The following RAB38 variants were observed in gnomAD, a reference collection of about 807,000 sequenced individuals.
RAB38 encodes the protein RAB38, member RAS oncogene family.
RAB38 carries 15 observed loss-of-function variants against 18.4 expected under a neutral mutation model. That is an observed-to-expected ratio of 0.82 (90% confidence interval 0.55 to 1.26). The LOEUF is 1.26. Among genes scored for constraint, RAB38 ranks in the 50% most tolerant of loss-of-function variants. The pLI, the probability that RAB38 is intolerant of heterozygous loss-of-function variation, is 0.00. For synonymous variants in RAB38, 101 were observed against 104.4 expected (o/e 0.97, Z 0.20); for missense variants, 294 against 267.4 (o/e 1.10, Z -0.69).
At chr11:88,070,326 C>T in the RAB38 span, among the ~76,000 whole-genome samples, 3 of 152,148 alleles carry the variant, frequency 2.0e-5, no homozygotes, top group East Asian at 1.9e-4. Context: ...AGCGAGACCA[C>T]GAACCCACCA....
chr11:88,021,296 C>T, the RAB38 span, among the ~76,000 whole-genome samples: 1 of 152,134 alleles, frequency 6.6e-6, no homozygotes, highest in Non-Finnish European at 1.5e-5. Flanking sequence ...TCATTAGTGG[C>T]TGCTGTCAGC....
At chr11:88,010,508 A>T in the RAB38 span, among the ~76,000 whole-genome samples, 2 of 152,038 alleles carry the variant, frequency 1.3e-5, no homozygotes, top group African/African-American at 4.8e-5. Context: ...TATGAATTCT[A>T]TTTTTTCCCA....
At chr11:87,807,135 G>A in the RAB38 span, among the ~76,000 whole-genome samples, 1 of 152,164 alleles carries the variant, frequency 6.6e-6, no homozygotes, top group Non-Finnish European at 1.5e-5. Flanking sequence ...AATGCCTGAT[G>A]ATCTCAGGTG....
At chr11:87,905,317 G>A in the RAB38 span, among the ~76,000 whole-genome samples, 1 of 151,244 alleles carries the variant, frequency 6.6e-6, no homozygotes, top group African/African-American at 2.4e-5. Flanking sequence ...GCTATTTTGT[G>A]TCCTGGTTAG....
the RAB38 span, among the ~76,000 whole-genome samples, chr11:88,046,221 T>C: frequency 6.6e-6 from 1 of 152,194 alleles, no homozygotes; most frequent in African/African-American, 2.4e-5. Flanking sequence ...TTGTTATCAC[T>C]GGCCTGCTAC....
the RAB38 span, among the ~76,000 whole-genome samples, chr11:87,845,124 A>G: frequency 1.0e-3 from 155 of 152,326 alleles, no homozygotes; most frequent in African/African-American, 3.6e-3. Context: ...CAAAAGTAAC[A>G]ACATCCTGCA....
At chr11:88,079,657 T>C in the RAB38 span, among the ~76,000 whole-genome samples, 1 of 151,736 alleles carries the variant, frequency 6.6e-6, no homozygotes, top group African/African-American at 2.4e-5. Flanking sequence ...AGAAAATATG[T>C]ACAAACCAAA....
the RAB38 span, among the ~76,000 whole-genome samples, chr11:88,081,773 G>A: frequency 2.6e-5 from 4 of 151,818 alleles, no homozygotes; most frequent in African/African-American, 9.7e-5. Context: ...GTCACATTCT[G>A]AAGTTCCAGG....
the RAB38 span, among the ~76,000 whole-genome samples, chr11:88,105,684 G>A: frequency 6.6e-6 from 1 of 151,962 alleles, no homozygotes; most frequent in Non-Finnish European, 1.5e-5. Context: ...CTAAAGAATT[G>A]GAAAAAAGGC....
At chr11:87,919,424 C>G in the RAB38 span, among the ~76,000 whole-genome samples, 2 of 151,852 alleles carry the variant, frequency 1.3e-5, no homozygotes, top group East Asian at 1.9e-4. Context: ...CTATATTAAA[C>G]TGTTCTTGAA....
At chr11:88,055,148 GCTGGCTTGAGC>G in the RAB38 span, among the ~76,000 whole-genome samples, 3 of 152,150 alleles carry the variant, frequency 2.0e-5, no homozygotes, top group Non-Finnish European at 4.4e-5. Flanking sequence ...GAAGTAAGAG[GCTGGCTTGAGC>G]CCAGGAGTTC....
At chr11:87,851,537 G>A in the RAB38 span, among the ~76,000 whole-genome samples, 5 of 152,170 alleles carry the variant, frequency 3.3e-5, no homozygotes, top group Non-Finnish European at 7.4e-5. Context: ...TGGGAAACAT[G>A]CTAATTCTAC....
chr11:87,923,866 G>A, the RAB38 span, among the ~76,000 whole-genome samples: 1 of 150,980 alleles, frequency 6.6e-6, no homozygotes, highest in African/African-American at 2.4e-5. Context: ...GACCCAGAGA[G>A]AATAGTTAAC....
the RAB38 span, among the ~76,000 whole-genome samples, chr11:87,845,488 T>C: frequency 3.4e-4 from 51 of 152,036 alleles, no homozygotes; most frequent in African/African-American, 1.2e-3. Flanking sequence ...GCAAAATGGA[T>C]ATGATAGTGA....
the RAB38 span, among the ~76,000 whole-genome samples, chr11:87,915,062 C>T: frequency 6.2e-4 from 94 of 152,224 alleles, no homozygotes; most frequent in African/African-American, 2.0e-3. Context: ...TAGGACAATA[C>T]CTAGTGGATC....
the RAB38 span, among the ~76,000 whole-genome samples, chr11:88,010,845 A>C: frequency 1.3e-5 from 2 of 152,062 alleles, no homozygotes; most frequent in African/African-American, 2.4e-5. Flanking sequence ...CCTCGTAGTC[A>C]CCTGTTTCAT....
At chr11:87,934,564 G>T in the RAB38 span, among the ~76,000 whole-genome samples, 8 of 152,162 alleles carry the variant, frequency 5.3e-5, no homozygotes, top group Middle Eastern at 3.4e-3. Context: ...TTGATTTGAG[G>T]CAGTACTCTC....
At position 88,174,636 on chromosome 11, in the gene RAB38, A is replaced by C. The variant is rs866672498; in HGVS notation, c.202+547T>G. 6.7e-4 allele frequency among the ~76,000 whole-genome samples: 100 copies of C among 149,350 alleles called. 1 individual carries two copies. The highest frequency in any genetic ancestry group is 2.3e-3 in the African/African-American group (94 of 41,006). ...AGCAAAAAGCAAAAAAAAAAAAAAAAAAAAACAAAACAAAAACCCTCAAAC... is the reference window on the plus strand; with the variant it reads ...AGCAAAAAGCAAAAAAAAAAAAAAACAAAAACAAAACAAAAACCCTCAAAC... On this transcript the variant is annotated intron_variant, in intron 1 of 2. Coordinates refer to ENST00000243662, the MANE Select transcript of RAB38 (RefSeq NM_022337.3).
chr11:88,174,620 C>CAAGAAAAAAAAAA (rs1943354595), intron 1 of RAB38, among the ~76,000 whole-genome samples: 1 of 101,130 alleles, frequency 9.9e-6, no homozygotes, highest in African/African-American at 3.9e-5. Context: ...AAGCAAAAAG[C>CAAGAAAAAAAAAA]AAAAAAAAAA....
Sources: allele counts gnomAD v4.1 joint callset (sites outside exome capture counted in the v4.1 genomes callset), GRCh38; gene constraint gnomAD v4.1.1; transcripts MANE v1.5; gene names NCBI Gene and HGNC (gene_info 2026-07-23, HGNC 2026-07-21).